Variants in OR51D1 observed in about 807,000 individuals in gnomAD.
OR51D1 encodes olfactory receptor 51D1.
For missense variants in OR51D1, 452 were observed against 396.2 expected (o/e 1.14, Z -1.20); for synonymous variants, 187 against 161.1 (o/e 1.16, Z -1.22).
rs1304106437 is a variant in OR51D1, at chr11:4,642,731, G to C, written c.*1966G>C. ...CACCTCATTATTCACCTTGTCTCAT[G>C]TCTCACTGTCCTTCCACATGTCTCA... is the stretch of plus-strand genomic sequence containing the variant. On this transcript the variant is annotated 3_prime_UTR_variant, in exon 2 of 2. Coordinates refer to ENST00000641817, the MANE Select transcript of OR51D1 (RefSeq NM_001004751.3). 6.6e-6 allele frequency: 1 copy of C among 152,190 alleles called. No homozygotes were observed. The highest frequency in any genetic ancestry group is 1.5e-5 in the Non-Finnish European group (1 of 68,038). The allele number at this position is 152,190 out of a possible 1,614,324, so 9.4% of individuals were successfully genotyped here.
rs79897068 is a variant in OR51D1 at position 4,641,142 on chromosome 11, C to T, written c.*377C>T. ...TTGGTGAATTTGCATGGACTATAAA[C>T]GTTATTGCAAATACCCTAAAGTGGT... On this transcript the variant is annotated 3_prime_UTR_variant, in exon 2 of 2. Transcript: ENST00000641817. 11,743 of 192,406 alleles carry T rather than the reference C, an allele frequency of 0.061. 494 individuals carry two copies. Among genetic ancestry groups the T allele is most frequent in the Non-Finnish European group, 0.089 (8,264 of 92,916 alleles). 11.9% of individuals were successfully genotyped at this position (192,406 alleles called of 1,614,324 possible).
rs945903305 is a variant in OR51D1, at chr11:4,641,863, G to C, written c.*1098G>C. On this transcript the variant is annotated 3_prime_UTR_variant, in exon 2 of 2. Transcript: ENST00000641817. ...TACATCTGAATTCTGTGTGCATATT[G>C]TTGGTACTGATGCTATTTTCGTGCA... The C allele has an allele frequency of 2.6e-5, 4 of 152,372 alleles. No homozygotes were observed. The highest frequency in any genetic ancestry group is 9.7e-5 in the African/African-American group (4 of 41,450). The allele number at this position is 152,372 out of a possible 1,614,324, so 9.4% of individuals were successfully genotyped here.
chr11:4,639,968 C>A lies in OR51D1; in HGVS notation c.178C>A (p.Leu60Ile). ...LATLGNLTIVLIIRVERRLHE... is the reference protein window; with the variant it reads ...LATLGNLTIVIIIRVERRLHE... ...CACCCTGGGTAACCTGACCATTGTCCTCATCATTCGTGTGGAGAGGCGACT... is the reference window on the plus strand; with the variant it reads ...CACCCTGGGTAACCTGACCATTGTCATCATCATTCGTGTGGAGAGGCGACT... The change falls in exon 2 of 2, where the codon CTC (leucine) becomes ATC (isoleucine). Residue 60 changes from leucine to isoleucine, a missense_variant. Transcript: ENST00000641817. 1.2e-6 allele frequency: 2 copies of A among 1,614,188 alleles called. No homozygotes were observed. The highest frequency in any genetic ancestry group is 2.7e-5 in the African/African-American group (2 of 75,046).
chr11:4,637,788 T>TGTGAGTGTGTAC (rs1846916139), intron 1 of OR51D1, 35 bp downstream of exon 1: 1 of 152,668 alleles, frequency 6.6e-6, no homozygotes, highest in Non-Finnish European at 1.5e-5. Context: ...AAAAAATGTG[T>TGTGAGTGTGTAC]GTGAGTGTGT....
intron 1 of OR51D1, among the ~76,000 whole-genome samples, chr11:4,638,862 G>A (rs1046245579): frequency 3.9e-5 from 6 of 152,240 alleles, no homozygotes; most frequent in South Asian, 4.1e-4. Flanking sequence ...GGGTGATCTC[G>A]TCTCACTGCA....
Position 4,640,061 on chromosome 11 carries a change from A to G in OR51D1, c.271A>G (p.Met91Val), listed in dbSNP as rs1589858493. The G allele has an allele frequency of 6.2e-7, 1 of 1,614,148 alleles. No individual in the cohort carries two copies. Among genetic ancestry groups the G allele is most frequent in the East Asian group, 2.2e-5 (1 of 44,876 alleles). Residue 91 changes from methionine (M) to valine (V), a missense_variant, in exon 2 of 2, where the codon ATG (methionine) becomes GTG (valine). Physicochemically the swap from Met to Val is conservative, Grantham distance 21 (BLOSUM62 1). Transcript: ENST00000641817. Reference sequence around the variant, plus strand: ...TGACCTAGTCCTCTCCTCTATCACCATGCCCAAGATGGCCAGTCTTTTCCT... The same window carrying G: ...TGACCTAGTCCTCTCCTCTATCACCGTGCCCAAGATGGCCAGTCTTTTCCT... ...TIDLVLSSIT[M>V]PKMASLFLMG...
In OR51D1 at chr11:4,640,435, C is replaced by T. The variant is rs199634586; in HGVS notation, c.645C>T (p.Ile215=). Residue 215 remains isoleucine (I), a synonymous_variant, in exon 2 of 2, where the codon ATC becomes ATT. Coordinates refer to ENST00000641817, the MANE Select transcript of OR51D1 (RefSeq NM_001004751.3). ...TRVNVVYGLF[I]ILSVMGVDSL... is the part of the protein sequence containing the mutation. ...TCAATGTGGTTTATGGACTCTTCAT[C>T]ATCCTCTCAGTCATGGGTGTGGACT... is the stretch of plus-strand genomic sequence containing the variant. The T allele has an allele frequency of 2.5e-6, 4 of 1,614,146 alleles. No individual in the cohort carries two copies. In the South Asian group the frequency reaches 4.4e-5, roughly 18 times the overall value.
intron 1 of OR51D1, among the ~76,000 whole-genome samples, chr11:4,638,987 T>A (rs536967472): frequency 1.3e-5 from 2 of 152,144 alleles, no homozygotes; most frequent in East Asian, 3.9e-4. Flanking sequence ...GAGGCAGGGT[T>A]TCACCATGTT....
chr11:4,638,334 T>C (rs1846922108), intron 1 of OR51D1, among the ~76,000 whole-genome samples: 1 of 152,120 alleles, frequency 6.6e-6, no homozygotes, highest in Non-Finnish European at 1.5e-5. Context: ...GCCCATAGGC[T>C]ATCCAGGTAG....
rs1328141644 is a variant in OR51D1, at chr11:4,642,244, C to G, written c.*1479C>G. ...ATTTCAAGGGCTTTTGTTACCTCTT[C>G]CTACGTTTCCTGCCTCTGCTATCCG... On this transcript the variant is annotated 3_prime_UTR_variant, in exon 2 of 2. Transcript: ENST00000641817. 6.6e-6 allele frequency: 1 copy of G among 152,224 alleles called. No individual in the cohort carries two copies. The highest frequency in any genetic ancestry group is 1.5e-5 in the Non-Finnish European group (1 of 68,086). The allele number at this position is 152,224 out of a possible 1,614,324, so 9.4% of individuals were successfully genotyped here.
rs946875349 is a variant in OR51D1, at chr11:4,640,716, A to G, written c.926A>G (p.Lys309Arg). The change falls in exon 2 of 2, where the codon AAA (lysine) becomes AGA (arginine). Residue 309 changes from lysine (K) to arginine (R), a missense_variant. Transcript: ENST00000641817. ...CCCCTTGTCTATGGAGCCAAGACCA[A>G]AGAGATCTGTTCAAGGGTCCTCTGT... is the stretch of plus-strand genomic sequence containing the variant. ...VNPLVYGAKT[K>R]EICSRVLCMF... is the part of the protein sequence containing the mutation. 1.9e-6 allele frequency: 3 copies of G among 1,613,812 alleles called. No homozygotes were observed. The highest frequency in any genetic ancestry group is 1.1e-5 in the South Asian group (1 of 91,038).
rs1417140974 is a variant in OR51D1 at position 4,637,569 on chromosome 11, A to C, written c.-199A>C. 6.6e-6 allele frequency: 1 copy of C among 152,344 alleles called. No individual in the cohort carries two copies. The highest frequency in any genetic ancestry group is 2.4e-5 in the African/African-American group (1 of 41,454). 9.4% of individuals were successfully genotyped at this position (152,344 alleles called of 1,614,324 possible). ...TAAGGAAGCCGGGACTTGATCAGTC[A>C]GCTTGGCTGCTTGGAGAGGTCTTCT... On this transcript the variant is annotated 5_prime_UTR_variant, in exon 1 of 2. Coordinates refer to ENST00000641817, the MANE Select transcript of OR51D1 (RefSeq NM_001004751.3).
rs866900481 is a variant in OR51D1 at position 4,640,555 on chromosome 11, C to A, written c.765C>A (p.Ile255=). Residue 255 remains isoleucine (I), a synonymous_variant, in exon 2 of 2, where the codon ATC becomes ATA. Transcript: ENST00000641817. ...CACTCAAGGCTTTCAACACCTGCATCTCCCACCTCTGTGCTGTTCTGGTCT... is the reference window on the plus strand; with the variant it reads ...CACTCAAGGCTTTCAACACCTGCATATCCCACCTCTGTGCTGTTCTGGTCT... ...RAALKAFNTC[I]SHLCAVLVFY... The A allele has an allele frequency of 1.2e-6, 2 of 1,613,844 alleles. No individual in the cohort carries two copies. Among genetic ancestry groups the A allele is most frequent in the Admixed American group, 1.7e-5 (1 of 60,006 alleles).
rs961913253 is a variant in OR51D1 at position 4,641,572 on chromosome 11, T to C, written c.*807T>C. 1 of 152,326 alleles carries C rather than the reference T, an allele frequency of 6.6e-6. No homozygotes were observed. The highest frequency in any genetic ancestry group is 1.9e-4 in the East Asian group (1 of 5,196). 9.4% of individuals were successfully genotyped at this position (152,326 alleles called of 1,614,324 possible). On this transcript the variant is annotated 3_prime_UTR_variant, in exon 2 of 2. Coordinates refer to ENST00000641817, the MANE Select transcript of OR51D1 (RefSeq NM_001004751.3). The stretch of plus-strand genomic sequence containing the variant: ...GTGGTATCTGTTAGTTGGTATATGA[T>C]ATGTGTCTACGTGAGAATGCTGGTG...
At position 4,639,836 on chromosome 11, in the gene OR51D1, G is replaced by A. The variant is rs1846939281; in HGVS notation, c.46G>A (p.Gly16Arg). The A allele has an allele frequency of 6.2e-7, 1 of 1,614,004 alleles. No homozygotes were observed. The highest frequency in any genetic ancestry group is 1.3e-5 in the African/African-American group (1 of 74,930). ...GGTCCCTATCATAGCCACTTCAAAT[G>A]GAAATCTGGTCCACGCAGCATACTT... ...LLVPIIATSN[G>R]NLVHAAYFLL... The change falls in exon 2 of 2, where the codon GGA becomes AGA. Residue 16 changes from glycine (G) to arginine (R), a missense_variant. Gly to Arg is a moderately radical substitution (Grantham distance 125). Coordinates refer to ENST00000641817, the MANE Select transcript of OR51D1 (RefSeq NM_001004751.3).
Position 4,641,991 on chromosome 11 carries a change from G to T in OR51D1, c.*1226G>T, listed in dbSNP as rs1846973753. On this transcript the variant is annotated 3_prime_UTR_variant, in exon 2 of 2. Coordinates refer to ENST00000641817, the MANE Select transcript of OR51D1 (RefSeq NM_001004751.3). ...TGTATTTCTGAGCATGGATTGATGTGTGGTGTCTGTATGTATCTTGGAATG... is the reference window on the plus strand; with the variant it reads ...TGTATTTCTGAGCATGGATTGATGTTTGGTGTCTGTATGTATCTTGGAATG... 1 of 152,652 alleles carries T rather than the reference G, an allele frequency of 6.6e-6. No individual in the cohort carries two copies. The highest frequency in any genetic ancestry group is 1.5e-5 in the Non-Finnish European group (1 of 68,060). The allele number at this position is 152,652 out of a possible 1,614,324, so 9.5% of individuals were successfully genotyped here.
At position 4,640,715 on chromosome 11, in the gene OR51D1, A is replaced by G. The variant is rs770745707; in HGVS notation, c.925A>G (p.Lys309Glu). Residue 309 changes from lysine (K) to glutamate (E), a missense_variant, in exon 2 of 2, where the codon AAA becomes GAA. Transcript: ENST00000641817. ...CCCCCTTGTCTATGGAGCCAAGACC[A>G]AAGAGATCTGTTCAAGGGTCCTCTG... The part of the protein sequence containing the change: ...VNPLVYGAKT[K>E]EICSRVLCMF... The G allele has an allele frequency of 1.9e-6, 3 of 1,613,888 alleles. No homozygotes were observed. The highest frequency in any genetic ancestry group is 2.5e-6 in the Non-Finnish European group (3 of 1,179,956).
chr11:4,640,589 C>T lies in OR51D1; in HGVS notation c.799C>T (p.Pro267Ser), dbSNP rs144444206. The change falls in exon 2 of 2, where the codon CCC becomes TCC. Residue 267 changes from proline (P) to serine (S), a missense_variant. Pro to Ser is a moderately conservative substitution (Grantham distance 74, BLOSUM62 -1). Coordinates refer to ENST00000641817, the MANE Select transcript of OR51D1 (RefSeq NM_001004751.3). Reference protein sequence around the residue: ...HLCAVLVFYVPLIGLSVVHRL... With the variant: ...HLCAVLVFYVSLIGLSVVHRL... ...CTGTGCTGTTCTGGTCTTCTATGTA[C>T]CCCTCATTGGGCTCTCGGTGGTGCA... is the stretch of plus-strand genomic sequence containing the variant. 2 of 1,613,540 alleles carry T rather than the reference C, an allele frequency of 1.2e-6. No homozygotes were observed. Among genetic ancestry groups the T allele is most frequent in the Admixed American group, 3.3e-5 (2 of 59,994 alleles).
rs369007306 is a variant in OR51D1 at position 4,641,690 on chromosome 11, G to C, written c.*925G>C. ...CCTATTTGTACTATGTGAATGTGGT[G>C]CATGAATGTGTGGAATGTGTGGAAT... On this transcript the variant is annotated 3_prime_UTR_variant, in exon 2 of 2. Transcript: ENST00000641817. The C allele has an allele frequency of 6.6e-6, 1 of 152,482 alleles. No homozygotes were observed. 9.4% of individuals were successfully genotyped at this position (152,482 alleles called of 1,614,324 possible). A position where few individuals can be genotyped will look rare whatever the true frequency, so the allele number is the denominator to read the frequency against.
Sources: gnomAD v4.1 joint callset for allele counts (sites outside exome capture counted in the v4.1 genomes callset) on GRCh38, gnomAD v4.1.1 for gene constraint, MANE v1.5 for transcripts, NCBI Gene and HGNC (gene_info 2026-07-23, HGNC 2026-07-21) for gene names.